NRG2: variants seen among roughly 807,000 people sequenced by gnomAD.
NRG2 encodes pro-neuregulin-2, membrane-bound isoform.
A neutral mutation model predicts 73.9 loss-of-function variants in NRG2; 27 were observed. The observed-to-expected ratio is 0.37, with a 90% CI of 0.27 to 0.50. The LOEUF is 0.50. NRG2 is among the 20% of genes least tolerant of loss of function. NRG2 has a pLI of 0.96. For synonymous variants in NRG2, 532 were observed against 541.0 expected (o/e 0.98, Z 0.23); for missense variants, 1,126 against 1,210.1 (o/e 0.93, Z 1.03).
At chr5:139,892,763 CA>C (rs976662612) in intron 1 of NRG2, among the ~76,000 whole-genome samples, 35 of 152,284 alleles carry the variant, frequency 2.3e-4, no homozygotes, top group African/African-American at 8.2e-4. Flanking sequence ...ATGCAGTGGG[CA>C]GGCATTTATC....
chr5:139,911,437 T>G (rs774183339), intron 1 of NRG2, among the ~76,000 whole-genome samples: 2 of 152,094 alleles, frequency 1.3e-5, no homozygotes, highest in Admixed American at 1.3e-4. Context: ...GTCCACCAGC[T>G]CTTCTCCCAG....
Position 139,904,415 on chromosome 5 carries a change from G to C in NRG2, c.701-16904C>G, listed in dbSNP as rs780121342. 1 of 1,448,238 alleles carries C rather than the reference G, an allele frequency of 6.9e-7. No individual in the cohort carries two copies. The allele number at this position is 1,448,238 out of a possible 1,614,324, so 89.7% of individuals were successfully genotyped here. On this transcript the variant is annotated intron_variant, in intron 1 of 9. Transcript: ENST00000361474. This position sits in a 1 kb window ranked among gnomAD's most constrained non-coding sequence, Gnocchi z 6.0. ...TCCGACATTCTGCACGGGGTCCCAGGCGGTGGGACGGCCTCAGCTCTCCGC... is the reference window on the plus strand; with the variant it reads ...TCCGACATTCTGCACGGGGTCCCAGCCGGTGGGACGGCCTCAGCTCTCCGC...
At chr5:139,923,080 C>T (rs1354214387) in intron 1 of NRG2, among the ~76,000 whole-genome samples, 3 of 152,132 alleles carry the variant, frequency 2.0e-5, no homozygotes, top group Non-Finnish European at 4.4e-5. Flanking sequence ...CAAGAGTGAA[C>T]TCTAGTGTAA....
Position 139,940,842 on chromosome 5 carries a change from T to TA in NRG2, c.701-53332dup, listed in dbSNP as rs1007073006. Reference sequence around the variant, plus strand: ...TCTTGGATTTTTTGCCATGTACATTTAAAAAAAAAGATGCTGATACAGGGA... The same window carrying TA: ...TCTTGGATTTTTTGCCATGTACATTTAAAAAAAAAAGATGCTGATACAGGGA... On this transcript the variant is annotated intron_variant, in intron 1 of 9. Transcript: ENST00000361474. Among the ~76,000 whole-genome samples, 5 of 151,132 alleles carry TA rather than the reference T, an allele frequency of 3.3e-5. No individual in the cohort carries two copies. In the East Asian group the frequency reaches 7.7e-4, roughly 23 times the overall value.
chr5:139,903,704 A>C (rs1765030554), intron 1 of NRG2, among the ~76,000 whole-genome samples: 1 of 152,204 alleles, frequency 6.6e-6, no homozygotes, highest in Admixed American at 6.5e-5. Context: ...CAACTGCCCA[A>C]TGTCTAGTCC....
intron 1 of NRG2, among the ~76,000 whole-genome samples, chr5:140,006,530 T>C (rs1040562470): frequency 6.6e-6 from 1 of 152,202 alleles, no homozygotes; most frequent in African/African-American, 2.4e-5. Flanking sequence ...AGTCTGAAAA[T>C]TGGTTATAAT....
chr5:139,885,778 G>A (rs1036308386), intron 2 of NRG2, among the ~76,000 whole-genome samples: 7 of 151,966 alleles, frequency 4.6e-5, no homozygotes, highest in Non-Finnish European at 8.8e-5. Flanking sequence ...CAGGTAGGGT[G>A]GGATGATGAT....
At chr5:140,029,805 G>C (rs1029685050) in intron 1 of NRG2, among the ~76,000 whole-genome samples, 4 of 152,036 alleles carry the variant, frequency 2.6e-5, no homozygotes, top group Non-Finnish European at 5.9e-5. Flanking sequence ...CTAAGGGACT[G>C]TACCCTCTAC....
chr5:139,868,316 A>G lies in NRG2; in HGVS notation c.1113-2691T>C, dbSNP rs1383421701. 1.3e-5 allele frequency among the ~76,000 whole-genome samples: 2 copies of G among 152,072 alleles called. No homozygotes were observed. The highest frequency in any genetic ancestry group is 4.8e-5 in the African/African-American group (2 of 41,396). ...TGGGCCTATAGCCTCTCTAACCTGC[A>G]CCTAATACCAGGGTAAGAGAGTATG... On this transcript the variant is annotated intron_variant, in intron 4 of 9. Transcript: ENST00000361474. This position sits in a 1 kb window ranked among gnomAD's most constrained non-coding sequence, Gnocchi z 4.2.
chr5:139,904,452 G>T lies in NRG2; in HGVS notation c.701-16941C>A. On this transcript the variant is annotated intron_variant, in intron 1 of 9. Coordinates refer to ENST00000361474, the MANE Select transcript of NRG2 (RefSeq NM_004883.3). This position sits in a 1 kb window ranked among gnomAD's most constrained non-coding sequence, Gnocchi z 6.0. ...CCTCAGCTCTCCGCTGCCGCGCTGC[G>T]CCCCCGCCGCCTGCAGCCTCAGTGC... 1.9e-6 allele frequency: 2 copies of T among 1,072,430 alleles called. No individual in the cohort carries two copies. The highest frequency in any genetic ancestry group is 1.4e-5 in the South Asian group (1 of 70,402). The allele number at this position is 1,072,430 out of a possible 1,614,324, so 66.4% of individuals were successfully genotyped here. A position where few individuals can be genotyped will look rare whatever the true frequency, so the allele number is the denominator to read the frequency against.
At chr5:139,872,584 G>C (rs907723966) in intron 3 of NRG2, among the ~76,000 whole-genome samples, 6 of 152,066 alleles carry the variant, frequency 3.9e-5, no homozygotes, top group Non-Finnish European at 1.5e-5. Context: ...TCCAGGTCTC[G>C]GACAGCCCCA....
intron 1 of NRG2, among the ~76,000 whole-genome samples, chr5:139,902,690 G>A (rs1024799871): frequency 6.6e-6 from 1 of 152,154 alleles, no homozygotes; most frequent in Non-Finnish European, 1.5e-5. Context: ...AATGCCCAAG[G>A]TAGGATGTGT....
chr5:139,879,796 T>C (rs1763410759), intron 3 of NRG2, among the ~76,000 whole-genome samples: 2 of 151,976 alleles, frequency 1.3e-5, no homozygotes, highest in Admixed American at 1.3e-4. Flanking sequence ...GAAAGAAGAC[T>C]GGCAAGGACA....
At chr5:140,033,711 G>A (rs189127484) in intron 1 of NRG2, among the ~76,000 whole-genome samples, 1 of 152,258 alleles carries the variant, frequency 6.6e-6, no homozygotes, top group African/African-American at 2.4e-5. Flanking sequence ...TCATAAAACT[G>A]TTTCCTCTTG....
In NRG2 at chr5:139,865,155, G is replaced by C. The variant is rs767198606; in HGVS notation, c.1189+394C>G. ...TTGCGAACTGCTGACACCTGTCCCC[G>C]GTGTATCCCACAGGACACCTACCAA... On this transcript the variant is annotated intron_variant, in intron 5 of 9. Coordinates refer to ENST00000361474, the MANE Select transcript of NRG2 (RefSeq NM_004883.3). This position sits in a 1 kb window ranked among gnomAD's most constrained non-coding sequence, Gnocchi z 5.2. 1 of 1,613,600 alleles carries C rather than the reference G, an allele frequency of 6.2e-7. No homozygotes were observed. The highest frequency in any genetic ancestry group is 8.5e-7 in the Non-Finnish European group (1 of 1,179,712).
intron 1 of NRG2, among the ~76,000 whole-genome samples, chr5:139,967,552 C>T (rs1755626546): frequency 6.6e-6 from 1 of 152,208 alleles, no homozygotes; most frequent in African/African-American, 2.4e-5. Context: ...AGCAGAGACA[C>T]TTCTAAGGAG....
intron 9 of NRG2, among the ~76,000 whole-genome samples, chr5:139,849,523 T>A (rs941433266): frequency 6.6e-6 from 1 of 152,106 alleles, no homozygotes; most frequent in African/African-American, 2.4e-5. Flanking sequence ...CCAGGCTGGA[T>A]CCCGGGTACC....
chr5:139,941,469 G>T (rs998774777), intron 1 of NRG2, among the ~76,000 whole-genome samples: 47 of 152,130 alleles, frequency 3.1e-4, no homozygotes, highest in African/African-American at 1.1e-3. Context: ...TGTTAATGCT[G>T]ATCTGTAATG....
chr5:139,848,350 A>T lies in NRG2; in HGVS notation c.2120T>A (p.Ile707Asn). 1.6e-6 allele frequency: 2 copies of T among 1,218,578 alleles called. No homozygotes were observed. Among genetic ancestry groups the T allele is most frequent in the Non-Finnish European group, 2.0e-6 (2 of 982,440 alleles). 75.5% of individuals were successfully genotyped at this position (1,218,578 alleles called of 1,614,324 possible). Residue 707 changes from isoleucine to asparagine, a missense_variant, in exon 10 of 10, where the codon ATC becomes AAC. This residue lies in a region of NRG2 where 402 missense variants were observed against 357.8 expected (regional missense o/e 1.12). Coordinates refer to ENST00000361474, the MANE Select transcript of NRG2 (RefSeq NM_004883.3). ...LGSLPASPFR[I>N]PEDDEYETTQ... ...GGTCTCGTACTCGTCGTCCTCGGGGATGCGGAAGGGGCTGGCAGGCAGGCT... is the reference window on the plus strand; with the variant it reads ...GGTCTCGTACTCGTCGTCCTCGGGGTTGCGGAAGGGGCTGGCAGGCAGGCT...
Sources: allele counts gnomAD v4.1 joint callset (sites outside exome capture counted in the v4.1 genomes callset), GRCh38; gene constraint gnomAD v4.1.1; regional missense constraint gnomAD v4.1.1; non-coding constraint Gnocchi (gnomAD v3.1); transcripts MANE v1.5; gene names NCBI Gene and HGNC (gene_info 2026-07-23, HGNC 2026-07-21).